The following APBA1 variants were observed in gnomAD, a reference collection of about 807,000 sequenced individuals.
The protein encoded by APBA1 is amyloid-beta A4 precursor protein-binding family A member 1.
Under a neutral mutation model 86.6 loss-of-function variants are expected in APBA1, and 55 were observed. The ratio of observed to expected loss-of-function variants is 0.64; its 90% CI spans 0.51 to 0.80. APBA1 has a LOEUF of 0.80. Ranked by LOEUF, APBA1 falls within the 30% of genes least tolerant of loss-of-function variation. The pLI is 0.00. For missense variants in APBA1, 1,090 were observed against 1,183.0 expected, an observed-to-expected ratio of 0.92 and a Z score of 1.15; for synonymous variants, 511 against 493.9, an observed-to-expected ratio of 1.03 and a Z score of -0.46.
intron 2 of APBA1, among the ~76,000 whole-genome samples, chr9:69,501,083 T>C (rs1835873454): frequency 6.6e-6 from 1 of 151,986 alleles, no homozygotes; most frequent in South Asian, 2.1e-4. Context: ...ACGGGTAGGG[T>C]CTGACCAAGA....
intron 1 of APBA1, among the ~76,000 whole-genome samples, chr9:69,576,761 A>G (rs937328696): frequency 6.6e-6 from 1 of 152,202 alleles, no homozygotes; most frequent in Non-Finnish European, 1.5e-5. Context: ...ATGTTAAATG[A>G]TAAGTTAATG....
upstream of APBA1, among the ~76,000 whole-genome samples, chr9:69,672,543 G>GGCCCGCGA (rs1823977522): frequency 6.8e-6 from 1 of 147,308 alleles, no homozygotes; most frequent in Non-Finnish European, 1.5e-5. Flanking sequence ...GTGCGCGCGC[G>GGCCCGCGA]GCCCGCGAGC....
intron 1 of APBA1, among the ~76,000 whole-genome samples, chr9:69,608,724 G>T (rs1466694169): frequency 6.6e-6 from 1 of 152,138 alleles, no homozygotes; most frequent in Non-Finnish European, 1.5e-5. Flanking sequence ...ATTATCTAAA[G>T]CAAACTGAAT....
At chr9:69,614,144 T>G (rs1342499959) in intron 1 of APBA1, among the ~76,000 whole-genome samples, 1 of 152,194 alleles carries the variant, frequency 6.6e-6, no homozygotes, top group Non-Finnish European at 1.5e-5. Flanking sequence ...ATCACTGTAG[T>G]TAAACGAATA....
At chr9:69,475,952 T>C (rs528338148) in intron 3 of APBA1, 96 bp downstream of exon 3, 19 of 964,662 alleles carry the variant, frequency 2.0e-5, no homozygotes, top group South Asian at 5.5e-5. Flanking sequence ...GTAATGTGGG[T>C]CAGGAGCGCT....
intron 1 of APBA1, among the ~76,000 whole-genome samples, chr9:69,670,543 C>T (rs1318558044): frequency 3.3e-5 from 5 of 152,150 alleles, no homozygotes; most frequent in Non-Finnish European, 7.4e-5. Flanking sequence ...GTGTAAAGTG[C>T]ACTCATTCCT....
At chr9:69,562,175 G>A (rs896219053) in intron 1 of APBA1, among the ~76,000 whole-genome samples, 8 of 152,088 alleles carry the variant, frequency 5.3e-5, no homozygotes, top group African/African-American at 1.7e-4. Context: ...ACGTATACGT[G>A]TAAAGCATTA....
intron 1 of APBA1, among the ~76,000 whole-genome samples, chr9:69,551,464 A>T (rs10123454): frequency 3.0e-4 from 45 of 152,030 alleles, no homozygotes; most frequent in African/African-American, 1.1e-3. Flanking sequence ...GGGGCAAGAG[A>T]ATCGCTTTAA....
At chr9:69,592,428 G>A (rs563861722) in intron 1 of APBA1, among the ~76,000 whole-genome samples, 48 of 152,160 alleles carry the variant, frequency 3.2e-4, no homozygotes, top group Non-Finnish European at 5.6e-4. Flanking sequence ...AGGCGCTGTC[G>A]CTACAAAACA....
At chr9:69,488,446 T>C (rs1458178948) in intron 2 of APBA1, among the ~76,000 whole-genome samples, 4 of 152,104 alleles carry the variant, frequency 2.6e-5, no homozygotes, top group Non-Finnish European at 5.9e-5. Flanking sequence ...AAGAGTAAAC[T>C]AAGGTTATAT....
intron 1 of APBA1, among the ~76,000 whole-genome samples, chr9:69,592,272 C>A (rs1822145702): frequency 6.6e-6 from 1 of 152,168 alleles, no homozygotes; most frequent in African/African-American, 2.4e-5. Context: ...TTATGGATCA[C>A]AAAGCTCATG....
At chr9:69,617,288 T>C (rs1475826362) in intron 1 of APBA1, among the ~76,000 whole-genome samples, 1 of 152,160 alleles carries the variant, frequency 6.6e-6, no homozygotes, top group East Asian at 1.9e-4. Context: ...TCATTTTCTT[T>C]TAGAGAGTAT....
intron 1 of APBA1, among the ~76,000 whole-genome samples, chr9:69,569,326 G>A (rs113123122): frequency 3.3e-5 from 5 of 152,346 alleles, no homozygotes; most frequent in African/African-American, 1.2e-4. Context: ...CTATTTGAGA[G>A]AGTGTGTGAG....
intron 1 of APBA1, among the ~76,000 whole-genome samples, chr9:69,540,122 G>GCGGCAACAA (rs369017582): frequency 6.1e-5 from 9 of 148,468 alleles, no homozygotes; most frequent in East Asian, 2.0e-4. Flanking sequence ...CTCCATCTCG[G>GCGGCAACAA]CAACAACAAC....
intron 1 of APBA1, among the ~76,000 whole-genome samples, chr9:69,658,300 C>CTCTCTT (rs1823670526): frequency 7.1e-5 from 4 of 56,080 alleles, no homozygotes; most frequent in Admixed American, 6.0e-4. Flanking sequence ...CTCTTTCTCT[C>CTCTCTT]TCTCTCTTTC....
intron 10 of APBA1, among the ~76,000 whole-genome samples, chr9:69,442,795 G>A (rs1236439988): frequency 6.6e-6 from 1 of 152,184 alleles, no homozygotes; most frequent in African/African-American, 2.4e-5. Context: ...ATCTTTTTCA[G>A]TGCGAGGTCA....
At chr9:69,576,019 C>T (rs1181772728) in intron 1 of APBA1, among the ~76,000 whole-genome samples, 1 of 152,066 alleles carries the variant, frequency 6.6e-6, no homozygotes, top group Admixed American at 6.5e-5. Context: ...AAGAAAAAAA[C>T]AAACAATCCC....
intron 1 of APBA1, among the ~76,000 whole-genome samples, chr9:69,635,497 T>C (rs947829567): frequency 1.3e-5 from 2 of 151,944 alleles, no homozygotes; most frequent in African/African-American, 4.8e-5. Context: ...TTCTTACTTA[T>C]CAATAATAAC....
intron 11 of APBA1, among the ~76,000 whole-genome samples, chr9:69,437,070 G>A (rs1480942580): frequency 6.6e-6 from 1 of 151,100 alleles, no homozygotes; most frequent in Non-Finnish European, 1.5e-5. Flanking sequence ...TTTATATGAT[G>A]GATTATGTTA....
Sources: allele counts gnomAD v4.1 joint callset (sites outside exome capture counted in the v4.1 genomes callset), GRCh38; gene constraint gnomAD v4.1.1; transcripts MANE v1.5; gene names NCBI Gene and HGNC (gene_info 2026-07-23, HGNC 2026-07-21).